Variants in PTPRF observed in about 807,000 individuals in gnomAD.
PTPRF encodes receptor-type tyrosine-protein phosphatase F.
In PTPRF, 59 loss-of-function variants were observed where a neutral mutation model predicts 201.8. The ratio of observed to expected loss-of-function variants is 0.29; its 90% CI spans 0.24 to 0.36. PTPRF has a LOEUF of 0.36. Ranked by LOEUF, PTPRF falls within the 10% of genes least tolerant of loss-of-function variation. The pLI, the probability that PTPRF is intolerant of heterozygous loss-of-function variation, is 1.00. For synonymous variants in PTPRF, 1,088 were observed against 1,089.7 expected (o/e 1.00, Z 0.03); for missense variants, 2,132 against 2,690.5 (o/e 0.79, Z 4.59).
chr1:43,588,802 C>T lies in PTPRF; in HGVS notation c.751C>T (p.Leu251=), dbSNP rs753909516. 5 of 1,614,104 alleles carry T rather than the reference C, an allele frequency of 3.1e-6. No homozygotes were observed. In the South Asian group the frequency reaches 5.5e-5, roughly 18 times the overall value. Residue 251 remains leucine, a synonymous_variant, in exon 8 of 34, where the codon CTG becomes TTG. Coordinates refer to ENST00000359947, the MANE Select transcript of PTPRF (RefSeq NM_002840.5). This position sits in a 1 kb window ranked among gnomAD's most constrained non-coding sequence, Gnocchi z 5.3. ...GGTGATGCCAGGCGGCAGCGTGAAC[C>T]TGACATGCGTGGCAGTGGGTGCACC... The part of the protein sequence containing the change: ...QEVMPGGSVN[L]TCVAVGAPMP...
At chr1:43,583,163 A>C in intron 7 of PTPRF, 1 of 944,306 alleles carries the variant, frequency 1.1e-6, no homozygotes, top group Non-Finnish European at 1.3e-6. Context: ...AGTAGGGCCC[A>C]GCGGGCTCGG....
chr1:43,545,199 A>G, intron 3 of PTPRF, 33 bp downstream of exon 3: 8 of 1,548,116 alleles, frequency 5.2e-6, no homozygotes, highest in Non-Finnish European at 7.0e-6. Flanking sequence ...CAGATCTCCC[A>G]GGTTGAAAGG....
chr1:43,586,805 C>T (rs1422889468), intron 7 of PTPRF, among the ~76,000 whole-genome samples: 1 of 152,218 alleles, frequency 6.6e-6, no homozygotes, highest in Non-Finnish European at 1.5e-5. Context: ...CCCAGCTGCT[C>T]TAAGCTTAGC....
At chr1:43,618,779 AC>A in intron 26 of PTPRF, 30 bp downstream of exon 26, 1 of 1,585,136 alleles carries the variant, frequency 6.3e-7, no homozygotes, top group Non-Finnish European at 8.6e-7. Flanking sequence ...CATATCTCTT[AC>A]CCAGACACTG....
At chr1:43,563,507 G>T (rs1390658256) in intron 5 of PTPRF, among the ~76,000 whole-genome samples, 2 of 152,188 alleles carry the variant, frequency 1.3e-5, no homozygotes, top group Non-Finnish European at 2.9e-5. Context: ...CAGGACAGAA[G>T]GAGCCCCAGG....
chr1:43,604,765 G>C (rs1481473062), intron 16 of PTPRF, 138 bp from the exon 17 acceptor site: 2 of 730,894 alleles, frequency 2.7e-6, no homozygotes, highest in Non-Finnish European at 4.7e-6. Flanking sequence ...GGAGTGGGGC[G>C]CTTGGTACTC....
chr1:43,545,559 G>A (rs938772014), intron 3 of PTPRF, among the ~76,000 whole-genome samples: 12 of 152,136 alleles, frequency 7.9e-5, no homozygotes, highest in African/African-American at 2.4e-4. Flanking sequence ...CAGGGCATGC[G>A]TATGGATGTG....
chr1:43,588,632 G>C lies in PTPRF; in HGVS notation c.680-99G>C. ...CCTCCTGTCTCTGAGCATGGGTTTGGCTCTGACCAGAGGGGCTTCCTGAAT... is the reference window on the plus strand; with the variant it reads ...CCTCCTGTCTCTGAGCATGGGTTTGCCTCTGACCAGAGGGGCTTCCTGAAT... On this transcript the variant is annotated intron_variant, in intron 7 of 33. Coordinates refer to ENST00000359947, the MANE Select transcript of PTPRF (RefSeq NM_002840.5). This position sits in a 1 kb window ranked among gnomAD's most constrained non-coding sequence, Gnocchi z 5.3. The C allele has an allele frequency of 6.7e-7, 1 of 1,484,416 alleles. No homozygotes were observed. Among genetic ancestry groups the C allele is most frequent in the Admixed American group, 1.9e-5 (1 of 53,224 alleles). The allele number at this position is 1,484,416 out of a possible 1,614,324, so 92.0% of individuals were successfully genotyped here.
rs995901648 is a variant in PTPRF at position 43,542,087 on chromosome 1, G to A, written c.-45-2944G>A. Among the ~76,000 whole-genome samples, 1 of 152,178 alleles carries A rather than the reference G, an allele frequency of 6.6e-6. No individual in the cohort carries two copies. Among genetic ancestry groups the A allele is most frequent in the Admixed American group, 6.5e-5 (1 of 15,284 alleles). On this transcript the variant is annotated intron_variant, in intron 2 of 33. Coordinates refer to ENST00000359947, the MANE Select transcript of PTPRF (RefSeq NM_002840.5). This position sits in a 1 kb window ranked among gnomAD's most constrained non-coding sequence, Gnocchi z 5.2. ...CCTCTCCCACCTTCTCCCCACAGGT[G>A]ACCCTGGGACCCTGGGACTCTGGGG...
At chr1:43,547,061 C>T (rs960941401) in intron 3 of PTPRF, among the ~76,000 whole-genome samples, 3 of 152,132 alleles carry the variant, frequency 2.0e-5, no homozygotes, top group Non-Finnish European at 4.4e-5. Context: ...AAACATCATC[C>T]TGTCACTCTT....
rs1646901908 is a variant in PTPRF, at chr1:43,575,998, C to T, written c.569-2812C>T. ...GCCGTCACCTCCACTCCATCCCGTCCAGTCTGTCACCTCCCCATCCCCATC... is the reference window on the plus strand; with the variant it reads ...GCCGTCACCTCCACTCCATCCCGTCTAGTCTGTCACCTCCCCATCCCCATC... On this transcript the variant is annotated intron_variant, in intron 6 of 33. Coordinates refer to ENST00000359947, the MANE Select transcript of PTPRF (RefSeq NM_002840.5). 5.3e-6 allele frequency: 7 copies of T among 1,320,998 alleles called. No homozygotes were observed. In the South Asian group the frequency reaches 5.9e-5, roughly 11 times the overall value. The allele number at this position is 1,320,998 out of a possible 1,614,324, so 81.8% of individuals were successfully genotyped here.
At chr1:43,570,786 C>T (rs1017763129) in intron 6 of PTPRF, among the ~76,000 whole-genome samples, 7 of 152,256 alleles carry the variant, frequency 4.6e-5, no homozygotes, top group African/African-American at 1.7e-4. Flanking sequence ...AGACAGCCCA[C>T]GAAGTGTTAG....
At chr1:43,552,387 C>T (rs907967881) in intron 3 of PTPRF, among the ~76,000 whole-genome samples, 12 of 152,170 alleles carry the variant, frequency 7.9e-5, no homozygotes, top group African/African-American at 2.7e-4. Context: ...TGATCTTGGA[C>T]AAGTGACTTG....
In PTPRF at chr1:43,603,997, A is replaced by G. The variant is rs770658279; in HGVS notation, c.2845A>G (p.Ile949Val). 3.4e-5 allele frequency: 55 copies of G among 1,614,216 alleles called. No homozygotes were observed. The highest frequency in any genetic ancestry group is 1.3e-4 in the Admixed American group (8 of 60,028). The change falls in exon 16 of 34, where the codon ATC (isoleucine) becomes GTC (valine). Residue 949 changes from isoleucine (I) to valine (V), a missense_variant. By Grantham distance (29) the Ile-to-Val change is conservative (BLOSUM62 3). Transcript: ENST00000359947. The surrounding 1 kb of genome is among the most constrained non-coding windows in gnomAD (Gnocchi z 5.8). ...GCTGGCGGAGAGGAACGGGCGCATC[A>G]TCAGCTACACCGTGGTGTTCCGAGA... ...PVLAERNGRI[I>V]SYTVVFRDIN...
chr1:43,609,574 G>A, intron 22 of PTPRF, 76 bp downstream of exon 22: 1 of 1,126,656 alleles, frequency 8.9e-7, no homozygotes, highest in South Asian at 1.3e-5. Context: ...AGGTCTCAGG[G>A]TCGCCACTGA....
chr1:43,527,398 C>T (rs1295307943), upstream of PTPRF, among the ~76,000 whole-genome samples: 2 of 152,248 alleles, frequency 1.3e-5, no homozygotes, highest in Non-Finnish European at 2.9e-5. Flanking sequence ...GCCACCTGAG[C>T]TTCTCATCCA....
rs1658440677 is a variant in PTPRF, at chr1:43,618,634, A to G, written c.4376A>G (p.Lys1459Arg). The change falls in exon 26 of 34, where the codon AAA becomes AGA. Residue 1459 changes from lysine to arginine, a missense_variant. Lys to Arg is a conservative substitution (Grantham distance 26, BLOSUM62 2). Transcript: ENST00000359947. ...GCCCTGCTCATCCTCCTGCAGGTAA[A>G]ATGTGATCAGTACTGGCCAGCCCGT... ...MTRLEEKSRV[K>R]CDQYWPARGT... 1 of 1,597,766 alleles carries G rather than the reference A, an allele frequency of 6.3e-7. No homozygotes were observed. The highest frequency in any genetic ancestry group is 1.3e-5 in the African/African-American group (1 of 74,674).
intron 5 of PTPRF, among the ~76,000 whole-genome samples, chr1:43,560,495 G>A (rs1645730606): frequency 6.6e-6 from 1 of 152,146 alleles, no homozygotes; most frequent in Non-Finnish European, 1.5e-5. Context: ...GACAGCAGGT[G>A]GTGTGTGCCT....
Position 43,534,740 on chromosome 1 carries a change from G to A in PTPRF, c.-125-3458G>A, listed in dbSNP as rs74071941. On this transcript the variant is annotated intron_variant, in intron 1 of 33. Coordinates refer to ENST00000359947, the MANE Select transcript of PTPRF (RefSeq NM_002840.5). ...AAATGTCGGTCGGACCAAGAGAAGC[G>A]AGAGCTGTATGAGAGACCATAGAGC... Among the ~76,000 whole-genome samples, 1,101 of 152,252 alleles carry A rather than the reference G, an allele frequency of 7.2e-3. 10 individuals carry two copies. Among genetic ancestry groups the A allele is most frequent in the African/African-American group, 0.025 (1,043 of 41,554 alleles).
Sources: allele counts gnomAD v4.1 joint callset (sites outside exome capture counted in the v4.1 genomes callset), GRCh38; gene constraint gnomAD v4.1.1; non-coding constraint Gnocchi (gnomAD v3.1); transcripts MANE v1.5; gene names NCBI Gene and HGNC (gene_info 2026-07-23, HGNC 2026-07-21).